Variants in ARHGAP12 observed in about 807,000 individuals in gnomAD.
ARHGAP12 encodes the protein Rho GTPase activating protein 12.
In ARHGAP12, 64 loss-of-function variants were observed where a neutral mutation model predicts 108.6. The observed-to-expected ratio is 0.59, with a 90% CI of 0.48 to 0.73. ARHGAP12 has a LOEUF of 0.73. ARHGAP12 is among the 30% of genes least tolerant of loss of function. ARHGAP12 has a pLI of 0.00. For synonymous variants in ARHGAP12, 312 were observed against 337.2 expected, an observed-to-expected ratio of 0.93 and a Z score of 0.82; for missense variants, 940 against 1,005.9, an observed-to-expected ratio of 0.93 and a Z score of 0.89.
chr10:31,823,499 A>G (rs1160465163), intron 11 of ARHGAP12, among the ~76,000 whole-genome samples: 1 of 151,984 alleles, frequency 6.6e-6, no homozygotes, highest in East Asian at 1.9e-4. Context: ...AATCAATACG[A>G]ACCATGAATA....
At chr10:31,864,596 A>C (rs1837253315) in intron 3 of ARHGAP12, among the ~76,000 whole-genome samples, 1 of 152,240 alleles carries the variant, frequency 6.6e-6, no homozygotes, top group Non-Finnish European at 1.5e-5. Context: ...AACTAATGAC[A>C]AACACGAACA....
chr10:31,876,062 C>T (rs1309474680), intron 3 of ARHGAP12, among the ~76,000 whole-genome samples: 1 of 152,150 alleles, frequency 6.6e-6, no homozygotes, highest in Admixed American at 6.5e-5. Context: ...GACACAGTTG[C>T]TTCCACCTTT....
intron 3 of ARHGAP12, among the ~76,000 whole-genome samples, chr10:31,904,923 C>T (rs906197945): frequency 7.2e-5 from 11 of 152,058 alleles, no homozygotes; most frequent in South Asian, 6.2e-4. Context: ...CCACCACACC[C>T]GGCCTCCAAA....
intron 3 of ARHGAP12, among the ~76,000 whole-genome samples, chr10:31,882,095 T>C (rs924552083): frequency 3.3e-5 from 5 of 152,000 alleles, no homozygotes; most frequent in African/African-American, 4.8e-5. Flanking sequence ...TTTGTATTTT[T>C]AGTAGAGACG....
intron 3 of ARHGAP12, among the ~76,000 whole-genome samples, chr10:31,887,153 G>A (rs1418885468): frequency 6.6e-6 from 1 of 152,164 alleles, no homozygotes; most frequent in East Asian, 1.9e-4. Context: ...AATCTGCAGG[G>A]TAGAGGGGCA....
At chr10:31,820,697 T>G (rs1197810154) in intron 11 of ARHGAP12, among the ~76,000 whole-genome samples, 1 of 134,566 alleles carries the variant, frequency 7.4e-6, no homozygotes, top group Non-Finnish European at 1.6e-5. Flanking sequence ...ACAAAATGAC[T>G]CAACTTCCAT....
chr10:31,814,488 C>T (rs1228616768), intron 13 of ARHGAP12, 127 bp from the exon 14 acceptor site: 1 of 723,084 alleles, frequency 1.4e-6, no homozygotes, highest in Non-Finnish European at 2.4e-6. Context: ...AATTAGTATA[C>T]AGTATGTATG....
At chr10:31,888,169 T>C (rs902307544) in intron 3 of ARHGAP12, among the ~76,000 whole-genome samples, 1 of 152,178 alleles carries the variant, frequency 6.6e-6, no homozygotes, top group African/African-American at 2.4e-5. Context: ...AAAGAGGATA[T>C]GACAGACAAC....
chr10:31,878,319 T>C (rs985422111), intron 3 of ARHGAP12, among the ~76,000 whole-genome samples: 2 of 152,346 alleles, frequency 1.3e-5, no homozygotes, highest in African/African-American at 4.8e-5. Flanking sequence ...CATGACCGTT[T>C]ACACAGATTT....
At chr10:31,909,067 T>C (rs905676651) in intron 2 of ARHGAP12, 141 bp from the exon 3 acceptor site, 3 of 537,056 alleles carry the variant, frequency 5.6e-6, no homozygotes, top group Non-Finnish European at 9.7e-6. Context: ...CAAACATGTG[T>C]CTACTATCAT....
At chr10:31,898,774 C>A (rs373062711) in intron 3 of ARHGAP12, among the ~76,000 whole-genome samples, 1 of 152,208 alleles carries the variant, frequency 6.6e-6, no homozygotes, top group East Asian at 1.9e-4. Context: ...CACCATCTAG[C>A]CTGGGTGTGG....
At chr10:31,884,153 C>A (rs552700923) in intron 3 of ARHGAP12, among the ~76,000 whole-genome samples, 3 of 149,500 alleles carry the variant, frequency 2.0e-5, no homozygotes, top group African/African-American at 7.4e-5. Context: ...CACTTCTTTC[C>A]AAACTGACAT....
chr10:31,883,252 G>A (rs1229488570), intron 3 of ARHGAP12, among the ~76,000 whole-genome samples: 2 of 151,652 alleles, frequency 1.3e-5, no homozygotes, highest in Non-Finnish European at 2.9e-5. Context: ...TTGAGATTGC[G>A]CCATTGCACT....
intron 1 of ARHGAP12, among the ~76,000 whole-genome samples, chr10:31,915,955 A>T (rs1433479309): frequency 6.6e-6 from 1 of 152,224 alleles, no homozygotes; most frequent in East Asian, 1.9e-4. Flanking sequence ...ACAAACGTTT[A>T]CAGTTTTAAT....
chr10:31,831,743 C>A lies in ARHGAP12; in HGVS notation c.1444G>T (p.Val482Phe), dbSNP rs775565385. 33 of 1,575,048 alleles carry A rather than the reference C, an allele frequency of 2.1e-5. No individual in the cohort carries two copies. The highest frequency in any genetic ancestry group is 9.5e-5 in the African/African-American group (7 of 74,072). ...VTKIAENGKKVRKNWLSSWAV... is the reference protein window; with the variant it reads ...VTKIAENGKKFRKNWLSSWAV... ...ATTAAAGACTTGTGTACTTACCGAACCTTTTTCCCATTTTCAGCAATTTTT... is the reference window on the plus strand; with the variant it reads ...ATTAAAGACTTGTGTACTTACCGAAACTTTTTCCCATTTTCAGCAATTTTT... The change falls in exon 10 of 20, where the codon GTT becomes TTT. Residue 482 changes from valine (V) to phenylalanine (F), a missense_variant. Physicochemically the swap from Val to Phe is conservative, Grantham distance 50. Coordinates refer to ENST00000344936, the MANE Select transcript of ARHGAP12 (RefSeq NM_018287.7).
chr10:31,891,606 T>A (rs1838436425), intron 3 of ARHGAP12, among the ~76,000 whole-genome samples: 1 of 120,552 alleles, frequency 8.3e-6, no homozygotes, highest in South Asian at 2.8e-4. Flanking sequence ...TCTCTGTATT[T>A]CCTGAATTTG....
At chr10:31,913,551 T>C in intron 1 of ARHGAP12, 1 of 171,624 alleles carries the variant, frequency 5.8e-6, no homozygotes. Flanking sequence ...ACAAGCAACC[T>C]TATGGAAAGA....
intron 3 of ARHGAP12, among the ~76,000 whole-genome samples, chr10:31,893,987 A>T (rs1320606963): frequency 6.6e-6 from 1 of 152,204 alleles, no homozygotes; most frequent in African/African-American, 2.4e-5. Flanking sequence ...ACAGAATCAA[A>T]GACAAAAACC....
At chr10:31,854,504 G>C (rs776776132) in intron 4 of ARHGAP12, among the ~76,000 whole-genome samples, 2 of 152,068 alleles carry the variant, frequency 1.3e-5, no homozygotes, top group Non-Finnish European at 2.9e-5. Context: ...TGCTGCTTTC[G>C]TGCTGAAATC....
Sources: allele counts gnomAD v4.1 joint callset (sites outside exome capture counted in the v4.1 genomes callset), GRCh38; gene constraint gnomAD v4.1.1; transcripts MANE v1.5; gene names NCBI Gene and HGNC (gene_info 2026-07-23, HGNC 2026-07-21).